Variants in HTR4 observed in about 807,000 individuals in gnomAD.
HTR4 encodes the protein 5-hydroxytryptamine (serotonin) receptor 4, G protein-coupled.
In HTR4, 16 loss-of-function variants were observed where a neutral mutation model predicts 36.8. The observed-to-expected ratio is 0.43, with a 90% CI of 0.29 to 0.66. The LOEUF (loss-of-function observed/expected upper bound fraction) is 0.66. Among genes scored for constraint, HTR4 ranks in the 30% least tolerant of loss-of-function variants. The pLI is 0.13. For synonymous variants in HTR4, 189 were observed against 185.1 expected (o/e 1.02, Z -0.17); for missense variants, 438 against 490.9 (o/e 0.89, Z 1.02).
intron 6 of HTR4, 54 bp from the exon 7 acceptor site, chr5:148,483,347 C>T: frequency 6.6e-7 from 1 of 1,522,538 alleles, no homozygotes; most frequent in East Asian, 2.4e-5. Flanking sequence ...TGTTGCAGAT[C>T]ATCTCCTGAA....
At chr5:148,543,974 C>T (rs1337927191) in intron 4 of HTR4, among the ~76,000 whole-genome samples, 2 of 152,172 alleles carry the variant, frequency 1.3e-5, no homozygotes, top group East Asian at 3.9e-4. Context: ...GCAGAATGTT[C>T]TCAGAGAACT....
chr5:148,559,865 C>A (rs1392877077), intron 2 of HTR4, among the ~76,000 whole-genome samples: 1 of 152,128 alleles, frequency 6.6e-6, no homozygotes, highest in African/African-American at 2.4e-5. Context: ...CAGAAGCCTT[C>A]TTTTCCCCGC....
At chr5:148,500,649 C>A (rs897908203) in intron 6 of HTR4, among the ~76,000 whole-genome samples, 4 of 151,142 alleles carry the variant, frequency 2.6e-5, no homozygotes, top group African/African-American at 4.9e-5. Context: ...CAAAGAACAC[C>A]CAGAAATTAA....
At chr5:148,636,541 T>G (rs978133443) in intron 2 of HTR4, among the ~76,000 whole-genome samples, 3 of 152,210 alleles carry the variant, frequency 2.0e-5, no homozygotes, top group African/African-American at 7.2e-5. Context: ...TTTAGCTTTA[T>G]GTAACTATAC....
intron 5 of HTR4, among the ~76,000 whole-genome samples, chr5:148,468,112 A>C (rs780487099): frequency 1.3e-5 from 2 of 152,260 alleles, no homozygotes; most frequent in Non-Finnish European, 2.9e-5. Context: ...GAAGCAGCGC[A>C]GGTGGCTGTT....
chr5:148,547,073 CA>C (rs2113843104), intron 4 of HTR4, among the ~76,000 whole-genome samples: 1 of 152,164 alleles, frequency 6.6e-6, no homozygotes, highest in African/African-American at 2.4e-5. Flanking sequence ...ATGTTCTTGG[CA>C]GAGGAAAAGA....
chr5:148,574,280 G>A (rs1466627037), intron 2 of HTR4, among the ~76,000 whole-genome samples: 2 of 152,046 alleles, frequency 1.3e-5, no homozygotes, highest in African/African-American at 4.8e-5. Context: ...GCAAATGGTT[G>A]GGTGAGAAAA....
At chr5:148,637,457 TA>T (rs201955300) in intron 1 of HTR4, among the ~76,000 whole-genome samples, 1 of 152,160 alleles carries the variant, frequency 6.6e-6, no homozygotes, top group Admixed American at 6.5e-5. Flanking sequence ...ATGAGGATTT[TA>T]AAAAAATGTT....
At chr5:148,616,347 C>T (rs1361962981) in intron 2 of HTR4, among the ~76,000 whole-genome samples, 1 of 152,008 alleles carries the variant, frequency 6.6e-6, no homozygotes, top group African/African-American at 2.4e-5. Flanking sequence ...TAAAAATGGC[C>T]TGTTTCTATT....
At chr5:148,456,341 G>A (rs960659019) in intron 5 of HTR4, among the ~76,000 whole-genome samples, 3 of 152,142 alleles carry the variant, frequency 2.0e-5, no homozygotes, top group Non-Finnish European at 2.9e-5. Context: ...TCACAGTTGC[G>A]TTCATGTACA....
intron 5 of HTR4, among the ~76,000 whole-genome samples, chr5:148,513,915 T>A (rs916439384): frequency 3.3e-5 from 5 of 152,214 alleles, no homozygotes; most frequent in Non-Finnish European, 7.3e-5. Context: ...TCCTAATTGT[T>A]GCTAATATGT....
intron 5 of HTR4, chr5:148,451,399 G>A (rs908238907): frequency 1.9e-5 from 28 of 1,499,440 alleles, no homozygotes; most frequent in Non-Finnish European, 2.4e-5. Context: ...TGAAGTGGGA[G>A]TGGGGATGGG....
intron 2 of HTR4, among the ~76,000 whole-genome samples, chr5:148,571,887 A>T (rs1760692600): frequency 6.6e-6 from 1 of 152,158 alleles, no homozygotes; most frequent in Admixed American, 6.6e-5. Flanking sequence ...CACATCTTCC[A>T]TAAAAAGCTG....
Position 148,560,416 on chromosome 5 carries a change from C to T in HTR4, c.27-10154G>A, listed in dbSNP as rs142775499. ...GAAGACCAAAATTTTACATTTTTAG[C>T]AAGTTCCCAGGTAATGCTGATGTCG... On this transcript the variant is annotated intron_variant, in intron 2 of 6. Coordinates refer to ENST00000377888, the MANE Select transcript of HTR4 (RefSeq NM_000870.7). Among the ~76,000 whole-genome samples the T allele has an allele frequency of 1.2e-3, 185 of 152,254 alleles. 1 individual carries two copies. The highest frequency in any genetic ancestry group is 3.9e-3 in the African/African-American group (162 of 41,566).
At chr5:148,625,028 G>A (rs1753044223) in intron 2 of HTR4, among the ~76,000 whole-genome samples, 1 of 152,132 alleles carries the variant, frequency 6.6e-6, no homozygotes, top group Non-Finnish European at 1.5e-5. Flanking sequence ...GAGCATAGAG[G>A]GGAGGTCAGG....
At chr5:148,490,648 T>C in intron 6 of HTR4, 1 of 1,177,250 alleles carries the variant, frequency 8.5e-7, no homozygotes. Context: ...TTCCAGTTAC[T>C]GATATTCGGT....
At chr5:148,542,242 G>A (rs911639963) in intron 4 of HTR4, among the ~76,000 whole-genome samples, 2 of 152,216 alleles carry the variant, frequency 1.3e-5, no homozygotes, top group Admixed American at 6.5e-5. Context: ...AAGAGTATGT[G>A]AGAAGGAGAA....
chr5:148,528,522 A>G (rs189292278), intron 4 of HTR4, among the ~76,000 whole-genome samples: 111 of 148,688 alleles, frequency 7.5e-4, no homozygotes, highest in African/African-American at 2.7e-3. Context: ...GGCTGGACTC[A>G]AGAATGCAAA....
chr5:148,609,402 G>T (rs956793912), intron 2 of HTR4, among the ~76,000 whole-genome samples: 6 of 152,122 alleles, frequency 3.9e-5, no homozygotes, highest in African/African-American at 1.2e-4. Context: ...TGGTGATCAA[G>T]GATATGAATT....
Sources: allele counts gnomAD v4.1 joint callset (sites outside exome capture counted in the v4.1 genomes callset), GRCh38; gene constraint gnomAD v4.1.1; transcripts MANE v1.5; gene names NCBI Gene and HGNC (gene_info 2026-07-23, HGNC 2026-07-21).